Variants in NCEH1 observed in about 807,000 individuals in gnomAD.
The protein encoded by NCEH1 is neutral cholesterol ester hydrolase 1.
NCEH1 carries 9 observed loss-of-function variants against 25.4 expected under a neutral mutation model. The observed-to-expected ratio is 0.35, with a 90% CI of 0.21 to 0.62. The LOEUF (loss-of-function observed/expected upper bound fraction) is 0.62. Among genes scored for constraint, NCEH1 ranks in the 20% least tolerant of loss-of-function variants. NCEH1 has a pLI of 0.72. For synonymous variants in NCEH1, 200 were observed against 199.8 expected (o/e 1.00, Z -0.01); for missense variants, 412 against 501.1 (o/e 0.82, Z 1.70).
At chr3:172,710,266 T>TGA (rs1714222000) in intron 1 of NCEH1, among the ~76,000 whole-genome samples, 1 of 152,244 alleles carries the variant, frequency 6.6e-6, no homozygotes. Flanking sequence ...TGGGCTGAGC[T>TGA]GAGATCTGCC....
intron 1 of NCEH1, among the ~76,000 whole-genome samples, chr3:172,706,794 C>A (rs1398930537): frequency 2.0e-5 from 3 of 152,174 alleles, no homozygotes; most frequent in Non-Finnish European, 2.9e-5. Flanking sequence ...AGCCACCACA[C>A]CCGACCTTCA....
At chr3:172,640,031 G>T (rs1421395686) in intron 3 of NCEH1, among the ~76,000 whole-genome samples, 1 of 152,224 alleles carries the variant, frequency 6.6e-6, no homozygotes, top group Admixed American at 6.5e-5. Flanking sequence ...TGACACCAAT[G>T]TGCTAAGAGG....
chr3:172,687,098 G>C (rs1250994618), intron 1 of NCEH1, among the ~76,000 whole-genome samples: 1 of 152,164 alleles, frequency 6.6e-6, no homozygotes, highest in Non-Finnish European at 1.5e-5. Flanking sequence ...ACTGATGAGA[G>C]ATAGCCTGTA....
intron 1 of NCEH1, among the ~76,000 whole-genome samples, chr3:172,690,278 T>G (rs1712963315): frequency 6.6e-6 from 1 of 152,168 alleles, no homozygotes; most frequent in South Asian, 2.1e-4. Context: ...TACTGCTCTT[T>G]CCCCAGAATA....
chr3:172,654,292 A>T (rs12636868), intron 1 of NCEH1, among the ~76,000 whole-genome samples: 72,150 of 152,040 alleles, frequency 0.47, 17,625 homozygotes, highest in East Asian at 0.74. Context: ...CCATCCACAA[A>T]ATGGAAGTAA....
chr3:172,709,747 A>G (rs1310751212), intron 1 of NCEH1, among the ~76,000 whole-genome samples: 1 of 152,184 alleles, frequency 6.6e-6, no homozygotes, highest in African/African-American at 2.4e-5. Flanking sequence ...GAAAATCATG[A>G]CTTTTTTAAA....
chr3:172,653,215 T>C (rs1394363134), intron 1 of NCEH1, among the ~76,000 whole-genome samples: 1 of 152,078 alleles, frequency 6.6e-6, no homozygotes, highest in Non-Finnish European at 1.5e-5. Context: ...GGGTACTCAT[T>C]ACGCCCCAGT....
Position 172,630,553 on chromosome 3 carries a change from T to C in NCEH1, c.*2922A>G, listed in dbSNP as rs1030283192. ...CTGGAGTACTCCACTGGGCAGAAGA[T>C]TGGGAAAGAATTGTGGCTGGCAATT... On this transcript the variant is annotated 3_prime_UTR_variant, in exon 5 of 5. Transcript: ENST00000475381. The C allele has an allele frequency of 6.6e-6, 1 of 152,152 alleles. No homozygotes were observed. Among genetic ancestry groups the C allele is most frequent in the Non-Finnish European group, 1.5e-5 (1 of 68,038 alleles). The allele number at this position is 152,152 out of a possible 1,614,324, so 9.4% of individuals were successfully genotyped here.
chr3:172,648,081 G>A lies in NCEH1; in HGVS notation c.172C>T (p.His58Tyr), dbSNP rs762841949. 1 of 1,614,124 alleles carries A rather than the reference G, an allele frequency of 6.2e-7. No individual in the cohort carries two copies. The highest frequency in any genetic ancestry group is 2.2e-5 in the East Asian group (1 of 44,864). Residue 58 changes from histidine to tyrosine, a missense_variant, in exon 2 of 5, where the codon CAC (histidine) becomes TAC (tyrosine). This residue lies in a region of NCEH1 where 178 missense variants were observed against 189.2 expected (regional missense o/e 0.94). Coordinates refer to ENST00000475381, the MANE Select transcript of NCEH1 (RefSeq NM_020792.6). The part of the protein sequence containing the change: ...NLIHYLGLSH[H>Y]LLALNFIIVS... Reference sequence around the variant, plus strand: ...ATGATAAAATTCAGTGCCAGCAGGTGATGGCTCAGTCCCAGGTAGTGGATC... The same window carrying A: ...ATGATAAAATTCAGTGCCAGCAGGTAATGGCTCAGTCCCAGGTAGTGGATC...
At chr3:172,676,741 G>A (rs1029739022) in intron 1 of NCEH1, among the ~76,000 whole-genome samples, 1 of 151,948 alleles carries the variant, frequency 6.6e-6, no homozygotes, top group African/African-American at 2.4e-5. Context: ...CGAGACCAAG[G>A]ACCCTGGTGT....
intron 1 of NCEH1, among the ~76,000 whole-genome samples, chr3:172,654,072 C>G (rs781012970): frequency 1.3e-5 from 2 of 152,082 alleles, no homozygotes; most frequent in Non-Finnish European, 2.9e-5. Flanking sequence ...TGTTTTAACT[C>G]AAAACACCTA....
intron 1 of NCEH1, among the ~76,000 whole-genome samples, chr3:172,683,247 C>A (rs1387556576): frequency 1.8e-4 from 21 of 118,354 alleles, no homozygotes; most frequent in Middle Eastern, 3.6e-3. Flanking sequence ...ACTAAAAATA[C>A]AAAAAATTAG....
chr3:172,650,705 A>C (rs185123371), intron 1 of NCEH1, among the ~76,000 whole-genome samples: 1,830 of 148,634 alleles, frequency 0.012, 45 homozygotes, highest in African/African-American at 0.044. Context: ...CCAGCTACTC[A>C]GGAGGCTGAG....
At chr3:172,700,338 C>T (rs755612308) in intron 1 of NCEH1, among the ~76,000 whole-genome samples, 4 of 151,806 alleles carry the variant, frequency 2.6e-5, no homozygotes, top group Admixed American at 6.6e-5. Flanking sequence ...TAAGAAGAAG[C>T]ACTGATATAG....
At chr3:172,642,751 G>A (rs892043471) in intron 3 of NCEH1, among the ~76,000 whole-genome samples, 3 of 151,932 alleles carry the variant, frequency 2.0e-5, no homozygotes, top group Non-Finnish European at 4.4e-5. Context: ...TTGAATATCT[G>A]AACTCCTCTT....
intron 2 of NCEH1, among the ~76,000 whole-genome samples, chr3:172,645,926 T>A (rs1206535452): frequency 6.6e-6 from 1 of 152,228 alleles, no homozygotes; most frequent in Non-Finnish European, 1.5e-5. Flanking sequence ...TTTGAATATA[T>A]TACTATCTAA....
intron 1 of NCEH1, among the ~76,000 whole-genome samples, chr3:172,649,549 T>C (rs1717297265): frequency 6.6e-6 from 1 of 152,270 alleles, no homozygotes; most frequent in Non-Finnish European, 1.5e-5. Flanking sequence ...CATGCACATA[T>C]GTGTTCACAC....
intron 1 of NCEH1, among the ~76,000 whole-genome samples, chr3:172,683,272 G>A (rs1289001560): frequency 8.5e-6 from 1 of 118,168 alleles, no homozygotes; most frequent in East Asian, 2.2e-4. Flanking sequence ...GCGTAGTGGC[G>A]GGCGCCTGTA....
rs1270006616 is a variant in NCEH1 at position 172,647,896 on chromosome 3, C to T, written c.357G>A (p.Leu119=). 1.9e-6 allele frequency: 3 copies of T among 1,614,170 alleles called. No individual in the cohort carries two copies. Among genetic ancestry groups the T allele is most frequent in the Non-Finnish European group, 2.5e-6 (3 of 1,180,030 alleles). Residue 119 remains leucine, a synonymous_variant, in exon 2 of 5, where the codon TTG becomes TTA. Coordinates refer to ENST00000475381, the MANE Select transcript of NCEH1 (RefSeq NM_020792.6). ...VVYIHGGGWA[L]ASAKIRYYDE... is the part of the protein sequence containing the mutation. ...GTGACCAGGACGCACTTGCACTTGCCAAGGCCCAGCCTCCTCCGTGGATAT... is the reference window on the plus strand; with the variant it reads ...GTGACCAGGACGCACTTGCACTTGCTAAGGCCCAGCCTCCTCCGTGGATAT...
Sources: allele counts gnomAD v4.1 joint callset (sites outside exome capture counted in the v4.1 genomes callset), GRCh38; gene constraint gnomAD v4.1.1; regional missense constraint gnomAD v4.1.1; transcripts MANE v1.5; gene names NCBI Gene and HGNC (gene_info 2026-07-23, HGNC 2026-07-21).